SLC8A1: variants seen among roughly 807,000 people sequenced by gnomAD.
SLC8A1 encodes the protein solute carrier family 8 member A1.
In SLC8A1, 18 loss-of-function variants were observed where a neutral mutation model predicts 68.3. That is an observed-to-expected ratio of 0.26 (90% CI 0.18 to 0.39). The LOEUF (loss-of-function observed/expected upper bound fraction) is 0.39. SLC8A1 is among the 10% of genes least tolerant of loss of function. The pLI, the probability that SLC8A1 is intolerant of heterozygous loss-of-function variation, is 1.00. For missense variants in SLC8A1, 985 were observed against 1,156.7 expected (o/e 0.85, Z 2.15); for synonymous variants, 475 against 415.5 (o/e 1.14, Z -1.74).
chr2:40,228,220 A>G (rs947790326), intron 2 of SLC8A1, among the ~76,000 whole-genome samples: 1 of 152,224 alleles, frequency 6.6e-6, no homozygotes, highest in Admixed American at 6.5e-5. Context: ...AAGCTTTGAC[A>G]TCATATACAT....
intron 2 of SLC8A1, among the ~76,000 whole-genome samples, chr2:40,290,782 T>C (rs1341189906): frequency 6.6e-6 from 1 of 152,152 alleles, no homozygotes; most frequent in African/African-American, 2.4e-5. Flanking sequence ...ATTTCTTAGA[T>C]GTTTGGAAGT....
exon 8 of SLC8A1, chr2:40,101,717 A>G (rs2033902229): frequency 1.3e-5 from 2 of 152,152 alleles, no homozygotes; most frequent in Non-Finnish European, 2.9e-5. Context: ...ATAATTAAGC[A>G]GTGGGTGACA....
chr2:40,345,398 A>T (rs1230888108), intron 2 of SLC8A1, among the ~76,000 whole-genome samples: 5 of 152,180 alleles, frequency 3.3e-5, no homozygotes, highest in Non-Finnish European at 7.3e-5. Context: ...CATGTTTTAT[A>T]CCACATGTAG....
chr2:40,476,748 C>T (rs1467722917), intron 1 of SLC8A1, among the ~76,000 whole-genome samples: 11 of 152,118 alleles, frequency 7.2e-5, no homozygotes, highest in Non-Finnish European at 1.5e-4. Flanking sequence ...TGGCATAGCT[C>T]AGGGATAGAT....
intron 6 of SLC8A1, among the ~76,000 whole-genome samples, chr2:40,159,985 T>C (rs115737994): frequency 0.014 from 2,188 of 152,124 alleles, 65 homozygotes; most frequent in African/African-American, 0.05. Flanking sequence ...GTTGCAACTG[T>C]AGAAGATGAG....
chr2:40,147,165 A>G lies in SLC8A1; in HGVS notation c.2162-7489T>C, dbSNP rs186304225. 1.2e-3 allele frequency among the ~76,000 whole-genome samples: 184 copies of G among 152,310 alleles called. 1 individual carries two copies. Among genetic ancestry groups the G allele is most frequent in the African/African-American group, 4.2e-3 (175 of 41,572 alleles). On this transcript the variant is annotated intron_variant, in intron 6 of 7. Transcript: ENST00000406785. ...CACTAAGGAGTTCTAGCTCCATGCAAGTTCGATTATTACCAAAACAAATCT... is the reference window on the plus strand; with the variant it reads ...CACTAAGGAGTTCTAGCTCCATGCAGGTTCGATTATTACCAAAACAAATCT...
intron 7 of SLC8A1, among the ~76,000 whole-genome samples, chr2:40,128,322 A>G (rs554571232): frequency 1.3e-5 from 2 of 152,182 alleles, no homozygotes; most frequent in Non-Finnish European, 2.9e-5. Flanking sequence ...TATAGCCCCT[A>G]TTTTCTTCTC....
chr2:40,368,445 T>A (rs544325932), intron 2 of SLC8A1, among the ~76,000 whole-genome samples: 3 of 152,202 alleles, frequency 2.0e-5, no homozygotes, highest in Admixed American at 1.3e-4. Context: ...CTTTCAGTTA[T>A]CTGTTTAATG....
exon 2 of SLC8A1, chr2:40,428,753 G>C (rs1697552866): frequency 6.2e-7 from 1 of 1,613,802 alleles, no homozygotes; most frequent in Non-Finnish European, 8.5e-7. Context: ...TTGGCTTCCA[G>C]TATGCCATCT....
At chr2:40,390,363 C>A (rs1329540336) in intron 2 of SLC8A1, among the ~76,000 whole-genome samples, 3 of 151,980 alleles carry the variant, frequency 2.0e-5, no homozygotes, top group Non-Finnish European at 4.4e-5. Context: ...GGCTGATTCA[C>A]CTCAGCTCCA....
At chr2:40,174,138 C>T (rs2048038672) in intron 4 of SLC8A1, among the ~76,000 whole-genome samples, 1 of 152,016 alleles carries the variant, frequency 6.6e-6, no homozygotes, top group Non-Finnish European at 1.5e-5. Flanking sequence ...CCTAAGTCCC[C>T]AGAGAAACCC....
chr2:40,122,022 T>G (rs13405865), intron 7 of SLC8A1, among the ~76,000 whole-genome samples: 41,204 of 151,810 alleles, frequency 0.27, 6,080 homozygotes, highest in East Asian at 0.65. Flanking sequence ...TTTTTTCTTT[T>G]TTGCCTTCTA....
intron 2 of SLC8A1, among the ~76,000 whole-genome samples, chr2:40,403,526 C>A (rs1231008955): frequency 1.3e-5 from 2 of 152,140 alleles, no homozygotes; most frequent in Non-Finnish European, 2.9e-5. Flanking sequence ...CCACACTTTC[C>A]CTGCAGGAGT....
At chr2:40,293,280 C>G (rs905765848) in intron 2 of SLC8A1, among the ~76,000 whole-genome samples, 3 of 152,136 alleles carry the variant, frequency 2.0e-5, no homozygotes, top group African/African-American at 7.2e-5. Flanking sequence ...AGGCAGGGAA[C>G]ATGGATGCTA....
At chr2:40,205,027 G>A (rs923015608) in intron 2 of SLC8A1, among the ~76,000 whole-genome samples, 4 of 151,854 alleles carry the variant, frequency 2.6e-5, no homozygotes, top group African/African-American at 9.7e-5. Context: ...TTTCATACGT[G>A]CATATCAGCT....
At chr2:40,395,513 A>C (rs1183454754) in intron 2 of SLC8A1, among the ~76,000 whole-genome samples, 3 of 152,116 alleles carry the variant, frequency 2.0e-5, no homozygotes, top group African/African-American at 7.2e-5. Flanking sequence ...GTGGTGTTCC[A>C]TAACTCTGTC....
chr2:40,330,069 GTAGATGC>G (rs2076258244), intron 2 of SLC8A1, among the ~76,000 whole-genome samples: 1 of 152,150 alleles, frequency 6.6e-6, no homozygotes, highest in Non-Finnish European at 1.5e-5. Context: ...TTTTCAAAAA[GTAGATGC>G]TAGATGCATA....
intron 2 of SLC8A1, among the ~76,000 whole-genome samples, chr2:40,378,812 T>A (rs546026204): frequency 2.0e-5 from 3 of 152,228 alleles, no homozygotes; most frequent in African/African-American, 7.2e-5. Flanking sequence ...CTCTTTAAAA[T>A]GGCCTTGCCC....
At chr2:40,364,509 C>CTTTTTTT (rs11377656) in intron 2 of SLC8A1, among the ~76,000 whole-genome samples, 1 of 148,682 alleles carries the variant, frequency 6.7e-6, no homozygotes. Context: ...AAATTGAATC[C>CTTTTTTT]TTTTTTTTTG....
Sources: allele counts gnomAD v4.1 joint callset (sites outside exome capture counted in the v4.1 genomes callset), GRCh38; gene constraint gnomAD v4.1.1; transcripts MANE v1.5; gene names NCBI Gene and HGNC (gene_info 2026-07-23, HGNC 2026-07-21).